The following SORT1 variants were observed in gnomAD, a reference collection of about 807,000 sequenced individuals.
SORT1 encodes the protein sortilin.
A neutral mutation model predicts 101.7 loss-of-function variants in SORT1; 39 were observed. The ratio of observed to expected loss-of-function variants is 0.38; its 90% CI spans 0.30 to 0.50. The LOEUF (loss-of-function observed/expected upper bound fraction) is 0.50. SORT1 is among the 20% of genes least tolerant of loss of function. The pLI, the probability that SORT1 is intolerant of heterozygous loss-of-function variation, is 0.90. For missense variants in SORT1, 878 were observed against 1,040.4 expected (o/e 0.84, Z 2.15); for synonymous variants, 396 against 393.7 (o/e 1.01, Z -0.07).
chr1:109,359,637 T>G (rs1462104458), intron 3 of SORT1, among the ~76,000 whole-genome samples: 1 of 152,064 alleles, frequency 6.6e-6, no homozygotes, highest in Non-Finnish European at 1.5e-5. Context: ...GTAGCTGGGA[T>G]TACAGGTATG....
At chr1:109,365,923 C>A (rs1651056014) in intron 3 of SORT1, among the ~76,000 whole-genome samples, 1 of 152,190 alleles carries the variant, frequency 6.6e-6, no homozygotes, top group Non-Finnish European at 1.5e-5. Context: ...CATTTCAGAG[C>A]TTGAACATGG....
intron 15 of SORT1, among the ~76,000 whole-genome samples, chr1:109,322,022 G>A (rs1163799443): frequency 1.3e-5 from 2 of 152,032 alleles, no homozygotes; most frequent in Admixed American, 6.5e-5. Flanking sequence ...CCATCTCTCT[G>A]CCTTGATTCT....
rs1355037404 is a variant in SORT1, at chr1:109,312,027, C to T, written c.*2016G>A. ...CCAGATATCATTAAAAGCGAAGAGC[C>T]CTATCGTATATGGTTAGAGAAGAAT... is the stretch of plus-strand genomic sequence containing the variant. On this transcript the variant is annotated 3_prime_UTR_variant, in exon 20 of 20. Transcript: ENST00000256637. 1.3e-5 allele frequency: 2 copies of T among 152,172 alleles called. No individual in the cohort carries two copies. Among genetic ancestry groups the T allele is most frequent in the Non-Finnish European group, 1.5e-5 (1 of 68,026 alleles). The allele number at this position is 152,172 out of a possible 1,614,324, so 9.4% of individuals were successfully genotyped here.
At chr1:109,354,305 A>G in intron 5 of SORT1, 62 bp downstream of exon 5, 2 of 1,277,466 alleles carry the variant, frequency 1.6e-6, no homozygotes, top group South Asian at 1.3e-5. Flanking sequence ...GGATCCTTCT[A>G]AGACAGTACA....
intron 1 of SORT1, among the ~76,000 whole-genome samples, chr1:109,381,364 T>C (rs1255701522): frequency 6.6e-6 from 1 of 152,070 alleles, no homozygotes; most frequent in African/African-American, 2.4e-5. Context: ...ATTTGTTAAG[T>C]AAATTATGTT....
In SORT1 at chr1:109,397,463, G is replaced by A. The variant is rs558322689; in HGVS notation, c.306+124C>T. The stretch of plus-strand genomic sequence containing the variant: ...CGCCCGCCGCAGTTTCGGGGCTGCG[G>A]CCCGGGGGACGCGGGCGCGGCAGGG... On this transcript the variant is annotated intron_variant, in intron 1 of 19. Coordinates refer to ENST00000256637, the MANE Select transcript of SORT1 (RefSeq NM_002959.7). The A allele has an allele frequency of 1.1e-4, 70 of 642,578 alleles. 1 individual carries two copies. The African/African-American group carries it at 1.3e-3, about 12-fold the overall frequency. 39.8% of individuals were successfully genotyped at this position (642,578 alleles called of 1,614,324 possible).
At chr1:109,390,798 T>TGTGTGTGTGTGTGTGTGCGC (rs749556914) in intron 1 of SORT1, among the ~76,000 whole-genome samples, 2 of 144,864 alleles carry the variant, frequency 1.4e-5, no homozygotes, top group African/African-American at 5.2e-5. Context: ...TGTGTGTGTG[T>TGTGTGTGTGTGTGTGTGCGC]GCGCGCGCGC....
chr1:109,334,623 G>C (rs1256534293), intron 11 of SORT1, among the ~76,000 whole-genome samples: 1 of 152,158 alleles, frequency 6.6e-6, no homozygotes, highest in East Asian at 1.9e-4. Context: ...CTACAGTCTA[G>C]AATACTGTAT....
intron 16 of SORT1, 141 bp from the exon 17 acceptor site, chr1:109,317,099 C>T (rs1647270253): frequency 8.1e-6 from 5 of 618,126 alleles, no homozygotes; most frequent in South Asian, 2.0e-5. Flanking sequence ...GGAATGTCCA[C>T]AGGGATGTTT....
chr1:109,357,731 T>C (rs886413347), intron 3 of SORT1, among the ~76,000 whole-genome samples: 1 of 152,184 alleles, frequency 6.6e-6, no homozygotes, highest in Non-Finnish European at 1.5e-5. Flanking sequence ...AAACTACATA[T>C]GTCTAAGTTG....
At chr1:109,375,337 C>T (rs1651753626) in intron 1 of SORT1, among the ~76,000 whole-genome samples, 1 of 151,888 alleles carries the variant, frequency 6.6e-6, no homozygotes, top group Non-Finnish European at 1.5e-5. Context: ...CCAAGGCGGG[C>T]AGATCACGAG....
At chr1:109,374,534 TGAGCAGA>T (rs1337257016) in intron 1 of SORT1, among the ~76,000 whole-genome samples, 2 of 151,110 alleles carry the variant, frequency 1.3e-5, no homozygotes, top group African/African-American at 2.4e-5. Context: ...GAGGTTGCAG[TGAGCAGA>T]GATTGGACCA....
chr1:109,362,072 C>T (rs1202772098), intron 3 of SORT1, among the ~76,000 whole-genome samples: 1 of 152,072 alleles, frequency 6.6e-6, no homozygotes, highest in African/African-American at 2.4e-5. Context: ...TGATGTGCCT[C>T]ATGGAGGAAA....
rs764837206 is a variant in SORT1 at position 109,314,699 on chromosome 1, A to G, written c.2330T>C (p.Ile777Thr). The change falls in exon 18 of 20, where the codon ATT becomes ACT. Residue 777 changes from isoleucine (I) to threonine (T), a missense_variant. Physicochemically the swap from Ile to Thr is moderately conservative, Grantham distance 89. This residue lies in a region of SORT1 where 684 missense variants were observed against 894.5 expected (regional missense o/e 0.76). Coordinates refer to ENST00000256637, the MANE Select transcript of SORT1 (RefSeq NM_002959.7). ...TCCCCCACAGACATATTTCTTCACA[A>G]TGAGCACTCCTGCTACGACTGTGAC... ...MLVTVVAGVL[I>T]VKKYVCGGRF... The G allele has an allele frequency of 4.4e-6, 7 of 1,607,046 alleles. No homozygotes were observed. The Middle Eastern group carries it at 6.6e-4, about 152-fold the overall frequency.
At chr1:109,352,112 T>C (rs1380670252) in intron 5 of SORT1, among the ~76,000 whole-genome samples, 9 of 152,018 alleles carry the variant, frequency 5.9e-5, no homozygotes, top group Non-Finnish European at 1.0e-4. Context: ...GGGAAGAAGA[T>C]CAGGTCTGAG....
chr1:109,361,801 T>G (rs1570952263), intron 3 of SORT1, among the ~76,000 whole-genome samples: 1 of 152,238 alleles, frequency 6.6e-6, no homozygotes, highest in Non-Finnish European at 1.5e-5. Context: ...CCCTTGCCAG[T>G]CATTTATAGA....
intron 3 of SORT1, among the ~76,000 whole-genome samples, chr1:109,362,599 T>C (rs1318824563): frequency 6.6e-6 from 1 of 152,176 alleles, no homozygotes; most frequent in Admixed American, 6.5e-5. Context: ...ACATGTTTTC[T>C]GTAGAAATTT....
intron 11 of SORT1, among the ~76,000 whole-genome samples, chr1:109,331,979 A>T (rs532664885): frequency 4.3e-4 from 65 of 151,674 alleles, no homozygotes; most frequent in African/African-American, 1.4e-3. Context: ...GGATAAATTT[A>T]ACCAAGGAGG....
chr1:109,355,141 A>G (rs1396796871), intron 4 of SORT1, among the ~76,000 whole-genome samples: 1 of 152,150 alleles, frequency 6.6e-6, no homozygotes. Flanking sequence ...GGATCCCTTG[A>G]GCCTGGAAGG....
Sources: gnomAD v4.1 joint callset for allele counts (sites outside exome capture counted in the v4.1 genomes callset) on GRCh38, gnomAD v4.1.1 for gene constraint, gnomAD v4.1.1 regional missense constraint, MANE v1.5 for transcripts, NCBI Gene and HGNC (gene_info 2026-07-23, HGNC 2026-07-21) for gene names.